Variants in ABCA5 observed in about 807,000 individuals in gnomAD.
The protein encoded by ABCA5 is cholesterol transporter ABCA5.
Under a neutral mutation model 206.0 loss-of-function variants are expected in ABCA5, and 163 were observed. The observed-to-expected ratio is 0.79, with a 90% CI of 0.70 to 0.90. The LOEUF is 0.90. ABCA5 is among the 40% of genes least tolerant of loss of function. The pLI, the probability that ABCA5 is intolerant of heterozygous loss-of-function variation, is 0.00. For missense variants in ABCA5, 1,859 were observed against 1,912.9 expected (o/e 0.97, Z 0.53); for synonymous variants, 609 against 613.8 (o/e 0.99, Z 0.11).
intron 11 of ABCA5, among the ~76,000 whole-genome samples, chr17:69,294,420 G>A (rs1453589714): frequency 1.3e-5 from 2 of 152,050 alleles, no homozygotes; most frequent in African/African-American, 4.8e-5. Context: ...TACTCAGGAG[G>A]CTAAGGCAGG....
At position 69,246,196 on chromosome 17, in the gene ABCA5, A is replaced by T. The variant is rs1049249101; in HGVS notation, c.*1341T>A. The T allele has an allele frequency of 6.6e-6, 1 of 151,998 alleles. No individual in the cohort carries two copies. Among genetic ancestry groups the T allele is most frequent in the Non-Finnish European group, 1.5e-5 (1 of 67,850 alleles). 9.4% of individuals were successfully genotyped at this position (151,998 alleles called of 1,614,324 possible). On this transcript the variant is annotated 3_prime_UTR_variant, in exon 39 of 39. Transcript: ENST00000392676. ...TAAAAGTTCATTAAATTTTGCCTACATTAAAGAATGAATAATGCCACTGAA... is the reference window on the plus strand; with the variant it reads ...TAAAAGTTCATTAAATTTTGCCTACTTTAAAGAATGAATAATGCCACTGAA...
Position 69,286,288 on chromosome 17 carries a change from C to G in ABCA5, c.2065G>C (p.Gly689Arg). 6.3e-7 allele frequency: 1 copy of G among 1,592,200 alleles called. No individual in the cohort carries two copies. Among genetic ancestry groups the G allele is most frequent in the Admixed American group, 1.9e-5 (1 of 52,184 alleles). Residue 689 changes from glycine (G) to arginine (R), a missense_variant, in exon 16 of 39, where the codon GGA becomes CGA. Gly to Arg is a moderately radical substitution (Grantham distance 125, BLOSUM62 -2). Transcript: ENST00000392676. Reference protein sequence around the residue: ...LADRKAVISQGMLKCVGSSMF... With the variant: ...LADRKAVISQRMLKCVGSSMF... ...GAAGAACCAACACATTTCAGCATTC[C>G]TTGTGATATCACAGCTTTCCTATCT...
chr17:69,319,967 G>A (rs1307530337), intron 1 of ABCA5, among the ~76,000 whole-genome samples: 1 of 152,002 alleles, frequency 6.6e-6, no homozygotes, highest in African/African-American at 2.4e-5. Flanking sequence ...CAAGACCTTG[G>A]GCAAGTTATT....
chr17:69,272,106 G>T (rs2075280072), intron 20 of ABCA5, among the ~76,000 whole-genome samples: 2 of 152,140 alleles, frequency 1.3e-5, no homozygotes, highest in Non-Finnish European at 2.9e-5. Flanking sequence ...GTATGGCAGG[G>T]TGGATCAGAC....
intron 1 of ABCA5, among the ~76,000 whole-genome samples, chr17:69,316,012 G>T (rs1375324074): frequency 6.6e-6 from 1 of 151,838 alleles, no homozygotes; most frequent in African/African-American, 2.4e-5. Context: ...AACACAATAA[G>T]AAATAAATAC....
intron 19 of ABCA5, among the ~76,000 whole-genome samples, chr17:69,275,041 G>T (rs2075316022): frequency 6.6e-6 from 1 of 151,726 alleles, no homozygotes; most frequent in Admixed American, 6.6e-5. Flanking sequence ...ACAGGGTTTT[G>T]CCATGTTGGC....
intron 26 of ABCA5, 35 bp downstream of exon 26, chr17:69,261,090 G>GT (rs749130336): frequency 6.8e-7 from 1 of 1,475,086 alleles, no homozygotes; most frequent in Non-Finnish European, 9.1e-7. Context: ...TTTATTTTAT[G>GT]TTTTTTAACA....
chr17:69,305,470 C>T (rs572629859), intron 6 of ABCA5, among the ~76,000 whole-genome samples: 1 of 152,180 alleles, frequency 6.6e-6, no homozygotes, highest in Non-Finnish European at 1.5e-5. Flanking sequence ...AAATTGAATC[C>T]ATCATTTTAC....
At position 69,318,475 on chromosome 17, in the gene ABCA5, T is replaced by C. The variant is rs147656345; in HGVS notation, c.-15-4045A>G. 4.3e-3 allele frequency among the ~76,000 whole-genome samples: 657 copies of C among 152,244 alleles called. 5 individuals are homozygous for C. Among genetic ancestry groups the C allele is most frequent in the African/African-American group, 0.015 (615 of 41,532 alleles). Reference sequence around the variant, plus strand: ...GGCTTAAATGAGCATCTTCTTTATATGCACAGAAGGAAGACTGGAAAGAAC... The same window carrying C: ...GGCTTAAATGAGCATCTTCTTTATACGCACAGAAGGAAGACTGGAAAGAAC... On this transcript the variant is annotated intron_variant, in intron 1 of 38. Transcript: ENST00000392676.
At chr17:69,266,861 TTTTA>T (rs576917268) in intron 23 of ABCA5, among the ~76,000 whole-genome samples, 52 of 150,358 alleles carry the variant, frequency 3.5e-4, no homozygotes, top group African/African-American at 9.9e-4. Flanking sequence ...TATTTATTTA[TTTTA>T]TTTATTTATT....
chr17:69,313,542 ATAAAT>A (rs1017100561), intron 2 of ABCA5, among the ~76,000 whole-genome samples: 17 of 152,136 alleles, frequency 1.1e-4, no homozygotes, highest in African/African-American at 3.6e-4. Flanking sequence ...AAGTCACAAA[ATAAAT>A]TAAGGTGACA....
chr17:69,317,577 G>C (rs1283300028), intron 1 of ABCA5: 2 of 152,110 alleles, frequency 1.3e-5, no homozygotes, highest in African/African-American at 4.8e-5. Flanking sequence ...ACTGGTGATT[G>C]TCAGAGGCCA....
At chr17:69,283,815 T>C in intron 18 of ABCA5, 138 bp downstream of exon 18, 1 of 429,328 alleles carries the variant, frequency 2.3e-6, no homozygotes, top group South Asian at 3.2e-5. Flanking sequence ...CTCCTATCAC[T>C]ATCAGTATCT....
At chr17:69,280,719 T>C (rs2075383341) in intron 18 of ABCA5, among the ~76,000 whole-genome samples, 1 of 150,544 alleles carries the variant, frequency 6.6e-6, no homozygotes, top group Non-Finnish European at 1.5e-5. Flanking sequence ...AAATGATGAG[T>C]TCATGTCCTT....
chr17:69,308,753 A>G (rs563289832), intron 4 of ABCA5, among the ~76,000 whole-genome samples: 24 of 152,270 alleles, frequency 1.6e-4, no homozygotes, highest in African/African-American at 5.1e-4. Flanking sequence ...AATTTTCAGA[A>G]GGGCTTTTTG....
chr17:69,251,547 T>C, intron 35 of ABCA5, 200 bp downstream of exon 35: 1 of 609,562 alleles, frequency 1.6e-6, no homozygotes, highest in Non-Finnish European at 2.6e-6. Flanking sequence ...ATTGAAATAT[T>C]AAGTGAATTC....
intron 24 of ABCA5, among the ~76,000 whole-genome samples, chr17:69,263,851 C>G (rs1004847685): frequency 1.3e-5 from 2 of 151,914 alleles, no homozygotes; most frequent in Non-Finnish European, 2.9e-5. Context: ...CGCATGCCAC[C>G]ACGTCCAGCT....
chr17:69,289,327 T>G (rs1172230051), intron 13 of ABCA5, 31 bp from the exon 14 acceptor site: 1 of 1,463,122 alleles, frequency 6.8e-7, no homozygotes, highest in African/African-American at 1.5e-5. Context: ...CAATGTTATT[T>G]TAAAAATCAT....
chr17:69,265,286 GA>G (rs1444464785), intron 23 of ABCA5, among the ~76,000 whole-genome samples: 1 of 152,208 alleles, frequency 6.6e-6, no homozygotes, highest in Non-Finnish European at 1.5e-5. Flanking sequence ...TGTTTACACA[GA>G]AAAAGAATTC....
Sources: gnomAD v4.1 joint callset for allele counts (sites outside exome capture counted in the v4.1 genomes callset) on GRCh38, gnomAD v4.1.1 for gene constraint, MANE v1.5 for transcripts, NCBI Gene and HGNC (gene_info 2026-07-23, HGNC 2026-07-21) for gene names.